Variants in RUVBL2 observed in about 807,000 individuals in gnomAD.
RUVBL2 encodes the protein ruvB-like 2.
A neutral mutation model predicts 57.9 loss-of-function variants in RUVBL2; 9 were observed. The observed-to-expected ratio is 0.16, with a 90% CI of 0.09 to 0.27. RUVBL2 has a LOEUF of 0.27. Among genes scored for constraint, RUVBL2 ranks in the 10% least tolerant of loss-of-function variants. RUVBL2 has a pLI of 1.00. For missense variants in RUVBL2, 456 were observed against 669.6 expected, an observed-to-expected ratio of 0.68 and a Z score of 3.52; for synonymous variants, 278 against 264.6, an observed-to-expected ratio of 1.05 and a Z score of -0.49.
At chr19:49,013,681 G>A (rs575260011) in intron 11 of RUVBL2, among the ~76,000 whole-genome samples, 4 of 152,274 alleles carry the variant, frequency 2.6e-5, no homozygotes, top group African/African-American at 7.2e-5. Context: ...TTGGGAGGCC[G>A]AGGTGGGTGG....
In RUVBL2 at chr19:49,009,898, C is replaced by T. The variant is rs1474642364; in HGVS notation, c.569+16C>T. 2 of 1,613,244 alleles carry T rather than the reference C, an allele frequency of 1.2e-6. No homozygotes were observed. The highest frequency in any genetic ancestry group is 2.7e-5 in the African/African-American group (2 of 74,886). ...TCCAGGCCGGGTGAGCAGTCAGGGG[C>T]CATGCCAGGCAGCCAGGGGGATGGG... On this transcript the variant is annotated intron_variant, in intron 7 of 14. Coordinates refer to ENST00000595090, the MANE Select transcript of RUVBL2 (RefSeq NM_006666.3).
At position 49,010,929 on chromosome 19, in the gene RUVBL2, C is replaced by G. The variant is rs1008640816; in HGVS notation, c.788-70C>G. The stretch of plus-strand genomic sequence containing the variant: ...CATCCCTGGCATCATCCTTCTCTGT[C>G]TTAGCCACACTCTGGCCCTGGAACC... On this transcript the variant is annotated intron_variant, in intron 9 of 14. Coordinates refer to ENST00000595090, the MANE Select transcript of RUVBL2 (RefSeq NM_006666.3). The G allele has an allele frequency of 2.9e-6, 4 of 1,358,774 alleles. No homozygotes were observed. In the African/African-American group the frequency reaches 5.7e-5, roughly 19 times the overall value. The allele number at this position is 1,358,774 out of a possible 1,614,324, so 84.2% of individuals were successfully genotyped here.
In RUVBL2 at chr19:49,011,124, GGTGGGGTGGAGGTGGGCCGGGGAA is replaced by G. The variant is rs776540174; in HGVS notation, c.882+38_883-38del. On this transcript the variant is annotated intron_variant, in intron 10 of 14. Coordinates refer to ENST00000595090, the MANE Select transcript of RUVBL2 (RefSeq NM_006666.3). This position sits in a 1 kb window ranked among gnomAD's most constrained non-coding sequence, Gnocchi z 4.4. ...GACCCAGGACATGGCCGGGGCGGGT[GGTGGGGTGGAGGTGGGCCGGGGAA>G]GTGGGGACGCGGGTGGTGACTCTCA... is the stretch of plus-strand genomic sequence containing the variant. 1.2e-6 allele frequency: 2 copies of G among 1,608,142 alleles called. No homozygotes were observed. The highest frequency in any genetic ancestry group is 1.7e-6 in the Non-Finnish European group (2 of 1,176,670).
In RUVBL2 at chr19:49,011,700, C is replaced by T. The variant is rs4802536; in HGVS notation, c.1001+390C>T. On this transcript the variant is annotated intron_variant, in intron 11 of 14. Coordinates refer to ENST00000595090, the MANE Select transcript of RUVBL2 (RefSeq NM_006666.3). This position sits in a 1 kb window ranked among gnomAD's most constrained non-coding sequence, Gnocchi z 4.4. ...CACTTCGACCCAGCAACTCCATTAA[C>T]AGAACTCTTAGCGTTGTGTTTGGCC... 0.49 allele frequency among the ~76,000 whole-genome samples: 73,799 copies of T among 152,044 alleles called. 18,306 individuals are homozygous for T. The highest frequency in any genetic ancestry group is 0.59 in the Admixed American group (9,004 of 15,284).
chr19:49,008,008 C>CTTTTT (rs915809242), intron 6 of RUVBL2, among the ~76,000 whole-genome samples: 2 of 90,384 alleles, frequency 2.2e-5, no homozygotes, highest in Non-Finnish European at 4.5e-5. Flanking sequence ...TACCTGGCCT[C>CTTTTT]TTTTTTTTTT....
chr19:49,006,897 A>T, intron 4 of RUVBL2, 121 bp from the exon 5 acceptor site: 1 of 1,315,546 alleles, frequency 7.6e-7, no homozygotes, highest in Non-Finnish European at 1.0e-6. Context: ...CCAAGTCCTT[A>T]CATGTAGGAT....
intron 13 of RUVBL2, 42 bp from the exon 14 acceptor site, chr19:49,015,530 C>A: frequency 1.4e-6 from 2 of 1,462,286 alleles, no homozygotes; most frequent in Non-Finnish European, 1.9e-6. Flanking sequence ...CCTTGAGCCT[C>A]ACGGAGAGGG....
intron 13 of RUVBL2, 150 bp from the exon 14 acceptor site, chr19:49,015,422 C>A: frequency 1.4e-6 from 1 of 734,972 alleles, no homozygotes; most frequent in Non-Finnish European, 2.3e-6. Flanking sequence ...GATGGCCAGG[C>A]AGGATTTGAA....
chr19:49,002,173 C>T (rs1178893981), intron 2 of RUVBL2, among the ~76,000 whole-genome samples: 3 of 151,932 alleles, frequency 2.0e-5, no homozygotes, highest in South Asian at 2.1e-4. Flanking sequence ...CTCAGCCTCC[C>T]GAGTATCTGA....
chr19:49,007,453 C>T, intron 6 of RUVBL2, 85 bp downstream of exon 6: 2 of 1,242,646 alleles, frequency 1.6e-6, no homozygotes, highest in South Asian at 2.8e-5. Context: ...GCACTGAGGT[C>T]AGAATCCCAT....
intron 1 of RUVBL2, among the ~76,000 whole-genome samples, chr19:48,996,500 A>G (rs2039063044): frequency 1.2e-5 from 1 of 84,930 alleles, no homozygotes; most frequent in East Asian, 3.0e-4. Flanking sequence ...TAATTTTTGT[A>G]TCTGTGTGTG....
chr19:49,014,443 AAC>A (rs764912793), intron 11 of RUVBL2, 39 bp from the exon 12 acceptor site: 10 of 1,600,234 alleles, frequency 6.2e-6, no homozygotes, highest in Non-Finnish European at 8.5e-6. Context: ...ATGAAGAGGG[AAC>A]ATGCCCCTGA....
At chr19:49,005,382 ACACGATCCCT>A (rs1255477538) in intron 4 of RUVBL2, among the ~76,000 whole-genome samples, 2 of 152,166 alleles carry the variant, frequency 1.3e-5, no homozygotes, top group Non-Finnish European at 2.9e-5. Flanking sequence ...GTGGTCATGG[ACACGATCCCT>A]TCCAAGGCGA....
At chr19:49,014,690 T>C in intron 12 of RUVBL2, 87 bp downstream of exon 12, 1 of 1,525,194 alleles carries the variant, frequency 6.6e-7, no homozygotes, top group Non-Finnish European at 8.9e-7. Context: ...TCCAGCGGAG[T>C]GGCATGGTGG....
rs1004297657 is a variant in RUVBL2, at chr19:49,011,426, G to C, written c.1001+116G>C. Reference sequence around the variant, plus strand: ...GGTCAGGGAGGGACGCGTGACTGCAGTGTGCGCTCTTTGCTTACAAAAGGC... The same window carrying C: ...GGTCAGGGAGGGACGCGTGACTGCACTGTGCGCTCTTTGCTTACAAAAGGC... On this transcript the variant is annotated intron_variant, in intron 11 of 14. Transcript: ENST00000595090. The surrounding 1 kb of genome is among the most constrained non-coding windows in gnomAD (Gnocchi z 4.4). The C allele has an allele frequency of 1.1e-5, 9 of 784,676 alleles. No individual in the cohort carries two copies. The highest frequency in any genetic ancestry group is 1.9e-5 in the Non-Finnish European group (9 of 471,332). The allele number at this position is 784,676 out of a possible 1,614,324, so 48.6% of individuals were successfully genotyped here.
chr19:49,004,226 TG>T (rs1239375172), intron 3 of RUVBL2, 50 bp from the exon 4 acceptor site: 1 of 1,594,974 alleles, frequency 6.3e-7, no homozygotes, highest in Admixed American at 1.7e-5. Context: ...GTGGTAGAAA[TG>T]CCATGGTAGC....
intron 4 of RUVBL2, among the ~76,000 whole-genome samples, chr19:49,005,638 TCA>T (rs199954558): frequency 2.0e-5 from 3 of 147,324 alleles, no homozygotes; most frequent in Non-Finnish European, 3.0e-5. Flanking sequence ...CTACTCTTCT[TCA>T]TTTTTTTTTT....
At chr19:49,005,320 A>G (rs1279917736) in intron 4 of RUVBL2, among the ~76,000 whole-genome samples, 1 of 152,084 alleles carries the variant, frequency 6.6e-6, no homozygotes, top group Non-Finnish European at 1.5e-5. Context: ...CTGGGGACCC[A>G]TAGATGAGTT....
intron 4 of RUVBL2, among the ~76,000 whole-genome samples, chr19:49,006,412 G>A (rs1192635600): frequency 1.3e-5 from 2 of 152,216 alleles, no homozygotes; most frequent in Admixed American, 1.3e-4. Context: ...TTCAGGCTGC[G>A]CAACCGTGTT....
Sources: gnomAD v4.1 joint callset for allele counts (sites outside exome capture counted in the v4.1 genomes callset) on GRCh38, gnomAD v4.1.1 for gene constraint, Gnocchi (gnomAD v3.1) non-coding constraint, MANE v1.5 for transcripts, NCBI Gene and HGNC (gene_info 2026-07-23, HGNC 2026-07-21) for gene names.